FBXO33: variants seen among roughly 807,000 people sequenced by gnomAD.
The protein encoded by FBXO33 is F-box only protein 33.
FBXO33 carries 22 observed loss-of-function variants against 46.3 expected under a neutral mutation model. The observed-to-expected ratio is 0.48, with a 90% CI of 0.34 to 0.68. The LOEUF (loss-of-function observed/expected upper bound fraction) is 0.68. Among genes scored for constraint, FBXO33 ranks in the 30% least tolerant of loss-of-function variants. The pLI, the probability that FBXO33 is intolerant of heterozygous loss-of-function variation, is 0.01. For synonymous variants in FBXO33, 337 were observed against 291.3 expected, an observed-to-expected ratio of 1.16 and a Z score of -1.60; for missense variants, 692 against 708.8, an observed-to-expected ratio of 0.98 and a Z score of 0.27.
chr14:39,429,246 A>G (rs181066162), intron 1 of FBXO33, among the ~76,000 whole-genome samples: 1 of 152,348 alleles, frequency 6.6e-6, no homozygotes, highest in Admixed American at 6.5e-5. Flanking sequence ...GTATAAAGGA[A>G]TTCAGCACAA....
rs1246483172 is a variant in FBXO33 at position 39,399,705 on chromosome 14, T to G, written c.1479A>C (p.Glu493Asp). Residue 493 changes from glutamate to aspartate, a missense_variant, in exon 4 of 4, where the codon GAA becomes GAC. Physicochemically the swap from Glu to Asp is conservative, Grantham distance 45. Coordinates refer to ENST00000298097, the MANE Select transcript of FBXO33 (RefSeq NM_203301.4). ...SDLKVLEVTE[E>D]SIDFDQGELA... ...GTTCACCTTGGTCAAAATCAATGCT[T>G]TCTTCGGTGACTTCAAGCACTTTCA... The G allele has an allele frequency of 1.9e-5, 31 of 1,614,064 alleles. No individual in the cohort carries two copies. The highest frequency in any genetic ancestry group is 2.5e-5 in the Non-Finnish European group (30 of 1,179,958).
chr14:39,420,278 ACT>A (rs1241363728), intron 1 of FBXO33, among the ~76,000 whole-genome samples: 13 of 152,154 alleles, frequency 8.5e-5, no homozygotes, highest in African/African-American at 2.7e-4. Context: ...ATTACTGATA[ACT>A]CTGTTATCAA....
chr14:39,407,651 A>T (rs1386490189), intron 1 of FBXO33, among the ~76,000 whole-genome samples: 3 of 152,158 alleles, frequency 2.0e-5, no homozygotes, highest in South Asian at 2.1e-4. Context: ...TAAAGGCTTA[A>T]TATTATTCCA....
At chr14:39,424,034 A>G (rs1162748386) in intron 1 of FBXO33, among the ~76,000 whole-genome samples, 1 of 152,154 alleles carries the variant, frequency 6.6e-6, no homozygotes, top group Non-Finnish European at 1.5e-5. Flanking sequence ...GCTCCCACTT[A>G]TAAGTGAGAA....
chr14:39,406,951 T>C (rs2075401647), intron 1 of FBXO33, among the ~76,000 whole-genome samples: 1 of 152,072 alleles, frequency 6.6e-6, no homozygotes, highest in Non-Finnish European at 1.5e-5. Flanking sequence ...GAATATGGAT[T>C]GGAAAGAAAG....
chr14:39,402,866 G>A (rs1418743527), intron 1 of FBXO33, among the ~76,000 whole-genome samples: 1 of 151,960 alleles, frequency 6.6e-6, no homozygotes, highest in East Asian at 1.9e-4. Context: ...TGTATTTTTA[G>A]TAGAGATGGG....
chr14:39,419,550 A>G (rs541843299), intron 1 of FBXO33, among the ~76,000 whole-genome samples: 2 of 152,182 alleles, frequency 1.3e-5, no homozygotes, highest in East Asian at 1.9e-4. Context: ...GGTAATAAAC[A>G]GATGTCTCAT....
chr14:39,421,873 T>G (rs2075486709), intron 1 of FBXO33, among the ~76,000 whole-genome samples: 1 of 151,508 alleles, frequency 6.6e-6, no homozygotes, highest in African/African-American at 2.4e-5. Context: ...TTAGATGTAT[T>G]TAGGGAATAG....
chr14:39,425,483 A>G (rs2075508252), intron 1 of FBXO33, among the ~76,000 whole-genome samples: 1 of 152,240 alleles, frequency 6.6e-6, no homozygotes, highest in Admixed American at 6.5e-5. Flanking sequence ...CCAATGCCAT[A>G]AAAGAGATAA....
At chr14:39,414,760 C>A (rs1008177417) in intron 1 of FBXO33, among the ~76,000 whole-genome samples, 4 of 152,176 alleles carry the variant, frequency 2.6e-5, no homozygotes, top group African/African-American at 4.8e-5. Flanking sequence ...TTCCCAGGTT[C>A]AAGTGATCCT....
Position 39,432,069 on chromosome 14 carries a change from G to C in FBXO33, c.94C>G (p.Leu32Val), listed in dbSNP as rs1595991259. The C allele has an allele frequency of 8.0e-7, 1 of 1,243,498 alleles. No homozygotes were observed. Among genetic ancestry groups the C allele is most frequent in the Admixed American group, 4.2e-5 (1 of 23,892 alleles). The allele number at this position is 1,243,498 out of a possible 1,614,324, so 77.0% of individuals were successfully genotyped here. ...ARVARWRRLR[L>V]QQLRRLRGLL... ...CCCCGCAGCCGTCGCAGCTGCTGCA[G>C]CCGCAGCCGCCGCCACCGCGCCACC... Residue 32 changes from leucine to valine, a missense_variant, in exon 1 of 4, where the codon CTG becomes GTG. Physicochemically the swap from Leu to Val is conservative, Grantham distance 32. Around this residue, in one of 3 missense-constraint regions of FBXO33, gnomAD observed 412 missense variants for 370.8 expected, o/e 1.11. Transcript: ENST00000298097.
chr14:39,423,156 G>T (rs1439831662), intron 1 of FBXO33, among the ~76,000 whole-genome samples: 1 of 149,138 alleles, frequency 6.7e-6, no homozygotes, highest in Non-Finnish European at 1.5e-5. Flanking sequence ...ATGAAAGGGA[G>T]AATTTTGTAA....
rs2075355927 is a variant in FBXO33, at chr14:39,398,888, T to C, written c.*628A>G. ...GTTAAAAAATCCAACAATTTCAGTA[T>C]TCGTGTTTACGTAAATGCATTTTTT... is the stretch of plus-strand genomic sequence containing the variant. On this transcript the variant is annotated 3_prime_UTR_variant, in exon 4 of 4. Coordinates refer to ENST00000298097, the MANE Select transcript of FBXO33 (RefSeq NM_203301.4). 1 of 152,288 alleles carries C rather than the reference T, an allele frequency of 6.6e-6. No individual in the cohort carries two copies. 9.4% of individuals were successfully genotyped at this position (152,288 alleles called of 1,614,324 possible).
Position 39,401,762 on chromosome 14 carries a change from T to C in FBXO33, c.810A>G (p.Ser270=), listed in dbSNP as rs376006502. The C allele has an allele frequency of 9.9e-6, 16 of 1,614,058 alleles. No homozygotes were observed. Among genetic ancestry groups the C allele is most frequent in the African/African-American group, 1.3e-5 (1 of 74,940 alleles). ...MLEIVTPTSL[S]SLSNAVANTM... The stretch of plus-strand genomic sequence containing the variant: ...TGTTGGCAACAGCATTAGAGAGAGA[T>C]GACAGTGATGTTGGGGTTACTATTT... Residue 270 remains serine, a synonymous_variant, in exon 3 of 4, where the codon TCA becomes TCG. Coordinates refer to ENST00000298097, the MANE Select transcript of FBXO33 (RefSeq NM_203301.4).
At chr14:39,414,749 T>C (rs907193496) in intron 1 of FBXO33, among the ~76,000 whole-genome samples, 2 of 152,082 alleles carry the variant, frequency 1.3e-5, no homozygotes, top group African/African-American at 2.4e-5. Flanking sequence ...GTAGCTCTGA[T>C]TTCCCAGGTT....
chr14:39,420,097 T>C (rs750211777), intron 1 of FBXO33, among the ~76,000 whole-genome samples: 26 of 152,242 alleles, frequency 1.7e-4, no homozygotes, highest in Admixed American at 6.5e-4. Context: ...GCCTACAGAC[T>C]GCTCTCCTAC....
chr14:39,414,991 G>A (rs1469866031), intron 1 of FBXO33, among the ~76,000 whole-genome samples: 1 of 152,074 alleles, frequency 6.6e-6, no homozygotes, highest in Non-Finnish European at 1.5e-5. Flanking sequence ...CTCAATGTGA[G>A]GGCAAGAAAT....
In FBXO33 at chr14:39,421,819, A is replaced by C. The variant is rs200557164; in HGVS notation, c.599+9745T>G. ...ACACACACACACACACACACACACAAACACACGCACGAGTAAGAATAACCA... is the reference window on the plus strand; with the variant it reads ...ACACACACACACACACACACACACACACACACGCACGAGTAAGAATAACCA... On this transcript the variant is annotated intron_variant, in intron 1 of 3. Coordinates refer to ENST00000298097, the MANE Select transcript of FBXO33 (RefSeq NM_203301.4). Among the ~76,000 whole-genome samples the C allele has an allele frequency of 7.5e-5, 9 of 120,000 alleles. No homozygotes were observed. The East Asian group carries it at 1.2e-3, about 16-fold the overall frequency. The allele number at this position is 120,000 out of a possible 152,430, so 78.7% of individuals were successfully genotyped here.
chr14:39,402,485 C>T lies in FBXO33; in HGVS notation c.626G>A (p.Gly209Glu). ...NRNLQKFSLF[G>E]DISVLQQQGS... is the part of the protein sequence containing the mutation. ...TTGCTGTTGTAGAACACTTATGTCT[C>T]CAAAAAGACTAAACTTCTGAAGGTT... is the stretch of plus-strand genomic sequence containing the variant. The change falls in exon 2 of 4, where the codon GGA becomes GAA. Residue 209 changes from glycine (G) to glutamate (E), a missense_variant. By Grantham distance (98) the Gly-to-Glu change is moderately conservative. Coordinates refer to ENST00000298097, the MANE Select transcript of FBXO33 (RefSeq NM_203301.4). 6.5e-7 allele frequency: 1 copy of T among 1,535,234 alleles called. No homozygotes were observed. Among genetic ancestry groups the T allele is most frequent in the Non-Finnish European group, 8.8e-7 (1 of 1,139,534 alleles).
Sources: allele counts gnomAD v4.1 joint callset (sites outside exome capture counted in the v4.1 genomes callset), GRCh38; gene constraint gnomAD v4.1.1; regional missense constraint gnomAD v4.1.1; transcripts MANE v1.5; gene names NCBI Gene and HGNC (gene_info 2026-07-23, HGNC 2026-07-21).